The following OSGEPL1 variants were observed in gnomAD, a reference collection of about 807,000 sequenced individuals.
OSGEPL1 encodes the protein O-sialoglycoprotein endopeptidase like 1, also known as tRNA N6-adenosine threonylcarbamoyltransferase, mitochondrial.
A neutral mutation model predicts 37.2 loss-of-function variants in OSGEPL1; 26 were observed. The ratio of observed to expected loss-of-function variants is 0.70; its 90% CI spans 0.51 to 0.97. The LOEUF is 0.97. Among genes scored for constraint, OSGEPL1 ranks in the 50% least tolerant of loss-of-function variants. OSGEPL1 has a pLI of 0.00. For missense variants in OSGEPL1, 404 were observed against 487.0 expected (o/e 0.83, Z 1.60); for synonymous variants, 140 against 159.9 (o/e 0.88, Z 0.94).
intron 2 of OSGEPL1, among the ~76,000 whole-genome samples, chr2:189,759,734 G>A (rs903075679): frequency 6.7e-6 from 1 of 149,280 alleles, no homozygotes; most frequent in East Asian, 1.9e-4. Flanking sequence ...CATCTGTAGA[G>A]TATTTTATTC....
intron 2 of OSGEPL1, among the ~76,000 whole-genome samples, chr2:189,759,966 G>A (rs996831660): frequency 2.0e-5 from 3 of 152,032 alleles, no homozygotes; most frequent in East Asian, 1.9e-4. Context: ...GACTCTTAAC[G>A]AGTATGCTGC....
chr2:189,748,542 G>T (rs912882979), intron 8 of OSGEPL1, among the ~76,000 whole-genome samples: 1 of 152,212 alleles, frequency 6.6e-6, no homozygotes, highest in East Asian at 1.9e-4. Context: ...AAAAATAAGA[G>T]ACCTCTTTAA....
In OSGEPL1 at chr2:189,752,905, G is replaced by A. The variant is rs753296228; in HGVS notation, c.1038C>T (p.Cys346=). The change falls in exon 6 of 9, where the codon TGC becomes TGT. Residue 346 remains cysteine (C), a synonymous_variant. Transcript: ENST00000264151. ...ALEILTNATQ[C]TLLCPPPRLC... is the part of the protein sequence containing the mutation. ...GTCTGGGAGGAGGACACAACAAAGT[G>A]CACTGTGTTGCATTTGTTAAAATTT... is the stretch of plus-strand genomic sequence containing the variant. 2 of 1,613,646 alleles carry A rather than the reference G, an allele frequency of 1.2e-6. No homozygotes were observed. The highest frequency in any genetic ancestry group is 2.7e-5 in the African/African-American group (2 of 74,908).
intron 2 of OSGEPL1, among the ~76,000 whole-genome samples, chr2:189,758,520 C>T (rs1425069180): frequency 2.6e-5 from 4 of 152,226 alleles, no homozygotes; most frequent in African/African-American, 9.6e-5. Context: ...TGCTGCCACG[C>T]TTCCTACACA....
Position 189,746,749 on chromosome 2 carries a change from A to C in OSGEPL1, c.*448T>G. Reference sequence around the variant, plus strand: ...TTTTGAATGAAAGTTCTTGATCTCGATACTAAGCAGATTTTCCTTAGCATG... The same window carrying C: ...TTTTGAATGAAAGTTCTTGATCTCGCTACTAAGCAGATTTTCCTTAGCATG... On this transcript the variant is annotated 3_prime_UTR_variant, in exon 9 of 9. Coordinates refer to ENST00000264151, the MANE Select transcript of OSGEPL1 (RefSeq NM_022353.3). 3.1e-6 allele frequency: 3 copies of C among 972,476 alleles called. No individual in the cohort carries two copies. The South Asian group carries it at 6.1e-5, about 20-fold the overall frequency. The allele number at this position is 972,476 out of a possible 1,614,324, so 60.2% of individuals were successfully genotyped here. A position where few individuals can be genotyped will look rare whatever the true frequency, so the allele number is the denominator to read the frequency against.
rs80306810 is a variant in OSGEPL1, at chr2:189,746,748, G to T, written c.*449C>A. The T allele has an allele frequency of 1.0e-6, 1 of 973,070 alleles. No individual in the cohort carries two copies. The highest frequency in any genetic ancestry group is 1.4e-6 in the Non-Finnish European group (1 of 703,194). The allele number at this position is 973,070 out of a possible 1,614,324, so 60.3% of individuals were successfully genotyped here. ...TTTTTGAATGAAAGTTCTTGATCTCGATACTAAGCAGATTTTCCTTAGCAT... is the reference window on the plus strand; with the variant it reads ...TTTTTGAATGAAAGTTCTTGATCTCTATACTAAGCAGATTTTCCTTAGCAT... On this transcript the variant is annotated 3_prime_UTR_variant, in exon 9 of 9. Transcript: ENST00000264151.
In OSGEPL1 at chr2:189,762,754, G is replaced by A. The variant is rs1409771334; in HGVS notation, c.-90C>T. 3 of 985,294 alleles carry A rather than the reference G, an allele frequency of 3.0e-6. No homozygotes were observed. Among genetic ancestry groups the A allele is most frequent in the African/African-American group, 3.5e-5 (2 of 57,172 alleles). 61.0% of individuals were successfully genotyped at this position (985,294 alleles called of 1,614,324 possible). On this transcript the variant is annotated 5_prime_UTR_variant, in exon 1 of 9. Coordinates refer to ENST00000264151, the MANE Select transcript of OSGEPL1 (RefSeq NM_022353.3). Reference sequence around the variant, plus strand: ...CTAAAGACTGTCGACTGCCCTTATCGCTGCAGGAGAAAGCCCGAACCTGGC... The same window carrying A: ...CTAAAGACTGTCGACTGCCCTTATCACTGCAGGAGAAAGCCCGAACCTGGC...
At position 189,746,674 on chromosome 2, in the gene OSGEPL1, TTTTTTA is replaced by T. The variant is rs2044208440; in HGVS notation, c.*517_*522del. 3.3e-6 allele frequency: 5 copies of T among 1,519,884 alleles called. No individual in the cohort carries two copies. The highest frequency in any genetic ancestry group is 4.7e-5 in the Admixed American group (2 of 42,224). The allele number at this position is 1,519,884 out of a possible 1,614,324, so 94.1% of individuals were successfully genotyped here. ...GATTCCTGAGCCATCTTTTAAAAATTTTTTTATTTTTAATAATGGTAATATGCAAAT... is the reference window on the plus strand; with the variant it reads ...GATTCCTGAGCCATCTTTTAAAAATTTTTTTAATAATGGTAATATGCAAAT... On this transcript the variant is annotated 3_prime_UTR_variant, in exon 9 of 9. Coordinates refer to ENST00000264151, the MANE Select transcript of OSGEPL1 (RefSeq NM_022353.3).
intron 2 of OSGEPL1, among the ~76,000 whole-genome samples, chr2:189,758,867 T>G (rs1172797769): frequency 6.6e-6 from 1 of 152,198 alleles, no homozygotes; most frequent in African/African-American, 2.4e-5. Context: ...ATAAATAGGA[T>G]GGGAGTACCT....
At chr2:189,757,494 A>T (rs1187208148) in intron 2 of OSGEPL1, among the ~76,000 whole-genome samples, 1 of 152,260 alleles carries the variant, frequency 6.6e-6, no homozygotes, top group African/African-American at 2.4e-5. Context: ...CTATTCAAGA[A>T]GAATGCCCTA....
intron 8 of OSGEPL1, among the ~76,000 whole-genome samples, chr2:189,747,935 C>G (rs1226772783): frequency 1.3e-5 from 2 of 152,124 alleles, no homozygotes; most frequent in Non-Finnish European, 2.9e-5. Flanking sequence ...ATCCGCCTAC[C>G]TTGGCCTCCC....
intron 3 of OSGEPL1, 180 bp from the exon 4 acceptor site, chr2:189,754,525 T>C: frequency 1.7e-6 from 1 of 576,394 alleles, no homozygotes; most frequent in East Asian, 2.9e-5. Flanking sequence ...CCCTGTTCCT[T>C]ATGATGACCC....
In OSGEPL1 at chr2:189,749,302, T is replaced by A. The variant is rs1344630357; in HGVS notation, c.*28+1248A>T. Among the ~76,000 whole-genome samples the A allele has an allele frequency of 5.9e-4, 57 of 97,182 alleles. 1 individual carries two copies. The East Asian group carries it at 9.1e-3, about 16-fold the overall frequency. The allele number at this position is 97,182 out of a possible 152,430, so 63.8% of individuals were successfully genotyped here. A position where few individuals can be genotyped will look rare whatever the true frequency, so the allele number is the denominator to read the frequency against. On this transcript the variant is annotated intron_variant, in intron 8 of 8. Transcript: ENST00000264151. ...TATTACTCCACGGTTTTTTTTTTTTTAAACAATGTGTGAAAAGTCAGGCCC... is the reference window on the plus strand; with the variant it reads ...TATTACTCCACGGTTTTTTTTTTTTAAAACAATGTGTGAAAAGTCAGGCCC...
At chr2:189,755,786 C>T (rs1288310505) in intron 2 of OSGEPL1, among the ~76,000 whole-genome samples, 1 of 152,108 alleles carries the variant, frequency 6.6e-6, no homozygotes, top group African/African-American at 2.4e-5. Flanking sequence ...AACAGACTCC[C>T]ATGGATTTGT....
intron 8 of OSGEPL1, among the ~76,000 whole-genome samples, chr2:189,748,494 G>A (rs1371561709): frequency 6.6e-6 from 1 of 152,182 alleles, no homozygotes; most frequent in Non-Finnish European, 1.5e-5. Flanking sequence ...AAAGCATTAG[G>A]ATGAGCTACC....
intron 5 of OSGEPL1, 69 bp downstream of exon 5, chr2:189,753,841 ACAAGGT>A (rs1429151145): frequency 6.1e-6 from 9 of 1,486,918 alleles, no homozygotes; most frequent in Non-Finnish European, 1.8e-6. Context: ...CATCCTAAAC[ACAAGGT>A]CAAGGTCTTG....
At chr2:189,750,459 A>T (rs2044994967) in intron 8 of OSGEPL1, 91 bp downstream of exon 8, 4 of 586,904 alleles carry the variant, frequency 6.8e-6, no homozygotes, top group Non-Finnish European at 8.9e-6. Flanking sequence ...TAGAAAAAAA[A>T]AAATAAAATC....
At chr2:189,754,396 G>T in intron 3 of OSGEPL1, 51 bp from the exon 4 acceptor site, 1 of 1,457,236 alleles carries the variant, frequency 6.9e-7, no homozygotes, top group East Asian at 2.4e-5. Flanking sequence ...ACTGTGAAAC[G>T]AAAAGATGCA....
intron 2 of OSGEPL1, among the ~76,000 whole-genome samples, chr2:189,760,095 C>T (rs972332986): frequency 6.6e-6 from 1 of 152,240 alleles, no homozygotes; most frequent in Non-Finnish European, 1.5e-5. Context: ...AGATCAACAG[C>T]ATCCCAAGGC....
Sources: gnomAD v4.1 joint callset for allele counts (sites outside exome capture counted in the v4.1 genomes callset) on GRCh38, gnomAD v4.1.1 for gene constraint, MANE v1.5 for transcripts, NCBI Gene and HGNC (gene_info 2026-07-23, HGNC 2026-07-21) for gene names.